The following VPS13B variants were observed in gnomAD, a reference collection of about 807,000 sequenced individuals.
VPS13B encodes the protein intermembrane lipid transfer protein VPS13B.
In VPS13B, 285 loss-of-function variants were observed where a neutral mutation model predicts 426.4. The observed-to-expected ratio is 0.67, with a 90% confidence interval of 0.61 to 0.74. The LOEUF (loss-of-function observed/expected upper bound fraction) is 0.74, where lower values mean the gene tolerates loss of function less well. VPS13B is among the 30% of genes least tolerant of loss of function. The pLI, the probability that VPS13B is intolerant of heterozygous loss-of-function variation, is 0.00. For missense variants in VPS13B, 4,537 were observed against 4,782.6 expected (o/e 0.95, Z 1.51); for synonymous variants, 1,676 against 1,676.4 (o/e 1.00, Z 0.01).
At chr8:99,251,028 A>T (rs1817480776) in intron 17 of VPS13B, among the ~76,000 whole-genome samples, 2 of 152,126 alleles carry the variant, frequency 1.3e-5, no homozygotes, top group Admixed American at 1.3e-4. Flanking sequence ...AACTAAGCTC[A>T]CCTATTACTT....
intron 39 of VPS13B, among the ~76,000 whole-genome samples, chr8:99,763,441 C>T (rs1811050780): frequency 6.6e-6 from 1 of 152,132 alleles, no homozygotes; most frequent in Non-Finnish European, 1.5e-5. Flanking sequence ...AAATCATTCC[C>T]TCAAGGAATG....
intron 19 of VPS13B, among the ~76,000 whole-genome samples, chr8:99,303,350 T>G (rs1049554791): frequency 3.3e-5 from 5 of 150,598 alleles, no homozygotes; most frequent in African/African-American, 1.2e-4. Flanking sequence ...CAATGGGCGC[T>G]CATGTCCTCT....
chr8:99,606,630 T>C (rs1271134813), intron 33 of VPS13B, among the ~76,000 whole-genome samples: 1 of 105,642 alleles, frequency 9.5e-6, no homozygotes, highest in Admixed American at 1.4e-4. Flanking sequence ...TTTTCTTTTC[T>C]TTTTTTTTTT....
At chr8:99,212,468 G>A (rs1052143528) in intron 17 of VPS13B, among the ~76,000 whole-genome samples, 16 of 152,164 alleles carry the variant, frequency 1.1e-4, no homozygotes, top group African/African-American at 3.9e-4. Context: ...ATCTGCAACT[G>A]TTGCAATCAT....
intron 33 of VPS13B, among the ~76,000 whole-genome samples, chr8:99,578,650 G>A (rs1179483673): frequency 6.6e-6 from 1 of 152,086 alleles, no homozygotes; most frequent in African/African-American, 2.4e-5. Context: ...CCATAAAAAT[G>A]TAATTATATG....
chr8:99,507,810 G>A lies in VPS13B; in HGVS notation c.4224+607G>A, dbSNP rs374008116. 16 of 1,613,910 alleles carry A rather than the reference G, an allele frequency of 9.9e-6. No homozygotes were observed. The highest frequency in any genetic ancestry group is 1.4e-5 in the Non-Finnish European group (16 of 1,179,960). The stretch of plus-strand genomic sequence containing the variant: ...TTGGTCTTTGGGGCAATGTGGAGGT[G>A]TCTTCCTTTCCTGTACTGACAAGCT... On this transcript the variant is annotated intron_variant, in intron 28 of 61. Coordinates refer to ENST00000357162, the MANE Select transcript of VPS13B (RefSeq NM_152564.5).
At chr8:99,706,328 G>T (rs775753864) in intron 36 of VPS13B, among the ~76,000 whole-genome samples, 8 of 152,096 alleles carry the variant, frequency 5.3e-5, no homozygotes, top group African/African-American at 1.7e-4. Context: ...CGAGTTCAAG[G>T]ATTTGGCCTG....
intron 16 of VPS13B, among the ~76,000 whole-genome samples, chr8:99,181,233 TATAGAA>T (rs1812930689): frequency 6.6e-6 from 1 of 152,166 alleles, no homozygotes; most frequent in South Asian, 2.1e-4. Flanking sequence ...TGTTTATTGG[TATAGAA>T]ATGTTCTCAT....
chr8:99,560,267 G>T (rs907180513), intron 31 of VPS13B, among the ~76,000 whole-genome samples: 1 of 152,074 alleles, frequency 6.6e-6, no homozygotes, highest in South Asian at 2.1e-4. Flanking sequence ...TGTATCCTGA[G>T]ATTTTACTGA....
chr8:99,131,908 T>G (rs1407191613), intron 8 of VPS13B, among the ~76,000 whole-genome samples: 1 of 152,090 alleles, frequency 6.6e-6, no homozygotes, highest in Non-Finnish European at 1.5e-5. Flanking sequence ...GTAGGACTAT[T>G]TTTTTTGAGA....
chr8:99,762,479 G>A (rs1341262334), intron 39 of VPS13B, among the ~76,000 whole-genome samples: 3 of 152,204 alleles, frequency 2.0e-5, no homozygotes, highest in Non-Finnish European at 4.4e-5. Flanking sequence ...TATCTCTGAA[G>A]TCATAGCATA....
rs1444976203 is a variant in VPS13B, at chr8:99,859,500, G to A, written c.11044+20G>A. The stretch of plus-strand genomic sequence containing the variant: ...CCAAAGGTAGCGGGTTCCGTTCCTT[G>A]TAATAATGCCTTCACTCCTTCCCTT... On this transcript the variant is annotated intron_variant, in intron 57 of 61. Transcript: ENST00000357162. 6.2e-7 allele frequency: 1 copy of A among 1,607,138 alleles called. No individual in the cohort carries two copies. Among genetic ancestry groups the A allele is most frequent in the South Asian group, 1.1e-5 (1 of 90,902 alleles).
rs181709818 is a variant in VPS13B at position 99,537,452 on chromosome 8, G to A, written c.4745+16442G>A. Among the ~76,000 whole-genome samples, 34 of 152,182 alleles carry A rather than the reference G, an allele frequency of 2.2e-4. No individual in the cohort carries two copies. In the South Asian group the frequency reaches 2.3e-3, roughly 10 times the overall value. On this transcript the variant is annotated intron_variant, in intron 30 of 61. Transcript: ENST00000357162. The stretch of plus-strand genomic sequence containing the variant: ...CCTGATTCTATATCATATACAATGC[G>A]AAAACATCTTTCAGGTTTGTTCTCC...
intron 12 of VPS13B, among the ~76,000 whole-genome samples, chr8:99,139,541 C>T (rs1810279595): frequency 6.6e-6 from 1 of 151,648 alleles, no homozygotes. Context: ...GGGTTCATGC[C>T]ATTCTCCTGC....
At chr8:99,825,390 G>A (rs1588752000) in intron 51 of VPS13B, among the ~76,000 whole-genome samples, 1 of 151,936 alleles carries the variant, frequency 6.6e-6, no homozygotes, top group Admixed American at 6.6e-5. Flanking sequence ...AAGTGTCTGT[G>A]TATATCCTTT....
In VPS13B at chr8:99,624,008, T is replaced by TATATATATA. The variant is rs61596072; in HGVS notation, c.5221-17803_5221-17802insATATATATA. On this transcript the variant is annotated intron_variant, in intron 33 of 61. Transcript: ENST00000357162. The stretch of plus-strand genomic sequence containing the variant: ...TATGAAACATACATATATATATATA[T>TATATATATA]TTTTTTTTTTTTTTTTTTTTTTTTC... Among the ~76,000 whole-genome samples, 339 of 71,388 alleles carry TATATATATA rather than the reference T, an allele frequency of 4.7e-3. 1 individual carries two copies. Among genetic ancestry groups the TATATATATA allele is most frequent in the African/African-American group, 8.7e-3 (140 of 16,030 alleles). The allele number at this position is 71,388 out of a possible 152,430, so 46.8% of individuals were successfully genotyped here.
At chr8:99,297,460 T>C (rs1820105067) in intron 19 of VPS13B, among the ~76,000 whole-genome samples, 1 of 152,234 alleles carries the variant, frequency 6.6e-6, no homozygotes, top group South Asian at 2.1e-4. Flanking sequence ...ATAATTGTTA[T>C]ATGAATCAAC....
At chr8:99,423,903 G>C (rs572530922) in intron 21 of VPS13B, among the ~76,000 whole-genome samples, 1 of 152,028 alleles carries the variant, frequency 6.6e-6, no homozygotes, top group Admixed American at 6.6e-5. Context: ...GGGGTGGAGA[G>C]TTCCTTAGAT....
At chr8:99,578,949 G>A (rs1434354207) in intron 33 of VPS13B, among the ~76,000 whole-genome samples, 1 of 152,136 alleles carries the variant, frequency 6.6e-6, no homozygotes, top group Non-Finnish European at 1.5e-5. Flanking sequence ...TTCCCTGAAT[G>A]TTGAATCATT....
Sources: gnomAD v4.1 joint callset for allele counts (sites outside exome capture counted in the v4.1 genomes callset) on GRCh38, gnomAD v4.1.1 for gene constraint, MANE v1.5 for transcripts, NCBI Gene and HGNC (gene_info 2026-07-23, HGNC 2026-07-21) for gene names.